The following COL14A1 variants were observed in gnomAD, a reference collection of about 807,000 sequenced individuals.
COL14A1 encodes collagen alpha-1(XIV) chain.
In COL14A1, 136 loss-of-function variants were observed where a neutral mutation model predicts 230.3. The observed-to-expected ratio is 0.59, with a 90% CI of 0.51 to 0.68. The LOEUF (loss-of-function observed/expected upper bound fraction) is 0.68. Ranked by LOEUF, COL14A1 falls within the 30% of genes least tolerant of loss-of-function variation. COL14A1 has a pLI of 0.00. For missense variants in COL14A1, 1,976 were observed against 2,215.8 expected (o/e 0.89, Z 2.17); for synonymous variants, 792 against 784.1 (o/e 1.01, Z -0.17).
chr8:120,133,814 T>C (rs1814623577), intron 1 of COL14A1, among the ~76,000 whole-genome samples: 1 of 151,842 alleles, frequency 6.6e-6, no homozygotes, highest in African/African-American at 2.4e-5. Context: ...ATGAAAAACA[T>C]AAAATTTGGA....
intron 23 of COL14A1, among the ~76,000 whole-genome samples, chr8:120,258,114 C>G (rs754072243): frequency 1.3e-5 from 2 of 152,130 alleles, no homozygotes; most frequent in Non-Finnish European, 2.9e-5. Flanking sequence ...TAAACTTAAG[C>G]CGAAGGGTCA....
chr8:120,202,084 C>T (rs1274663657), intron 8 of COL14A1, among the ~76,000 whole-genome samples: 3 of 152,182 alleles, frequency 2.0e-5, no homozygotes, highest in Admixed American at 2.0e-4. Context: ...AGGCAAGAAC[C>T]ATCAGAGAGA....
chr8:120,310,414 T>C (rs10955968), intron 37 of COL14A1, among the ~76,000 whole-genome samples: 100,133 of 151,968 alleles, frequency 0.66, 34,644 homozygotes, highest in African/African-American at 0.89. Context: ...CACAATTTGG[T>C]ATTAGTCCTT....
chr8:120,187,775 AGG>A (rs1816693038), intron 5 of COL14A1, among the ~76,000 whole-genome samples: 1 of 152,256 alleles, frequency 6.6e-6, no homozygotes, highest in African/African-American at 2.4e-5. Flanking sequence ...TGGACACAGC[AGG>A]GGCAAGCCCT....
In COL14A1 at chr8:120,344,722, C is replaced by T. The variant is rs138741403; in HGVS notation, c.4889-653C>T. Among the ~76,000 whole-genome samples the T allele has an allele frequency of 9.2e-5, 14 of 152,278 alleles. No homozygotes were observed. The East Asian group carries it at 2.7e-3, about 29-fold the overall frequency. ...ATTCACTTATGTTGGGAAAACTCCTCTCCTAATGATGTTGGAAAAATGAGA... is the reference window on the plus strand; with the variant it reads ...ATTCACTTATGTTGGGAAAACTCCTTTCCTAATGATGTTGGAAAAATGAGA... On this transcript the variant is annotated intron_variant, in intron 44 of 47. Coordinates refer to ENST00000297848, the MANE Select transcript of COL14A1 (RefSeq NM_021110.4).
intron 22 of COL14A1, among the ~76,000 whole-genome samples, chr8:120,254,271 AG>A (rs1819067460): frequency 6.6e-6 from 1 of 152,214 alleles, no homozygotes; most frequent in South Asian, 2.1e-4. Context: ...ATTGTCTTGT[AG>A]AAACAATATC....
At chr8:120,201,435 T>A (rs534703481) in intron 8 of COL14A1, among the ~76,000 whole-genome samples, 1 of 152,216 alleles carries the variant, frequency 6.6e-6, no homozygotes, top group South Asian at 2.1e-4. Flanking sequence ...TACAGTGGGG[T>A]ATTTATTCTA....
intron 1 of COL14A1, among the ~76,000 whole-genome samples, chr8:120,134,996 A>C (rs912913622): frequency 3.3e-5 from 5 of 152,148 alleles, no homozygotes; most frequent in African/African-American, 1.2e-4. Context: ...AAACAAACAA[A>C]CAAAAAACAG....
intron 26 of COL14A1, among the ~76,000 whole-genome samples, chr8:120,271,809 T>A (rs967084485): frequency 1.3e-5 from 2 of 151,530 alleles, no homozygotes; most frequent in African/African-American, 4.8e-5. Context: ...TTATCATAAA[T>A]GCAACTGGAA....
intron 5 of COL14A1, among the ~76,000 whole-genome samples, chr8:120,183,744 C>T (rs189971062): frequency 6.6e-6 from 1 of 152,308 alleles, no homozygotes; most frequent in East Asian, 1.9e-4. Flanking sequence ...TATAAGGTGT[C>T]ATGATGTTAT....
chr8:120,198,218 C>T (rs1279371723), intron 7 of COL14A1, among the ~76,000 whole-genome samples: 1 of 152,144 alleles, frequency 6.6e-6, no homozygotes, highest in Admixed American at 6.6e-5. Flanking sequence ...GTCAGCTAAT[C>T]TCTTCGCTAC....
intron 45 of COL14A1, among the ~76,000 whole-genome samples, chr8:120,362,671 C>A (rs538086016): frequency 6.6e-6 from 1 of 152,088 alleles, no homozygotes; most frequent in Admixed American, 6.5e-5. Context: ...GGATGTTGTA[C>A]AATGAGCAAG....
At chr8:120,225,313 A>T in intron 15 of COL14A1, 99 bp downstream of exon 15, 1 of 1,028,128 alleles carries the variant, frequency 9.7e-7, no homozygotes, top group Non-Finnish European at 1.4e-6. Context: ...TTTTGAAGAG[A>T]TTAAATTTTA....
chr8:120,182,286 T>C (rs1816487230), intron 5 of COL14A1, among the ~76,000 whole-genome samples: 1 of 152,198 alleles, frequency 6.6e-6, no homozygotes, highest in Non-Finnish European at 1.5e-5. Context: ...GAGTCTCCCG[T>C]AGGAATGCTC....
chr8:120,205,092 T>A (rs796119296), intron 9 of COL14A1, among the ~76,000 whole-genome samples: 22 of 127,958 alleles, frequency 1.7e-4, no homozygotes, highest in African/African-American at 5.8e-4. Flanking sequence ...GGTAAAGGTG[T>A]GGCCACATTT....
intron 4 of COL14A1, among the ~76,000 whole-genome samples, chr8:120,166,805 T>C (rs1815890689): frequency 6.6e-6 from 1 of 151,198 alleles, no homozygotes; most frequent in Non-Finnish European, 1.5e-5. Flanking sequence ...AGAATGCGAA[T>C]GAAACGGAGT....
chr8:120,231,858 T>C, intron 19 of COL14A1: 1 of 423,112 alleles, frequency 2.4e-6, no homozygotes, highest in Admixed American at 4.0e-5. Flanking sequence ...TTGTTTCAAA[T>C]ATTGCTTCTC....
chr8:120,301,156 C>T (rs1820697861), intron 36 of COL14A1, among the ~76,000 whole-genome samples: 1 of 152,080 alleles, frequency 6.6e-6, no homozygotes, highest in Non-Finnish European at 1.5e-5. Flanking sequence ...TTACTTGTAC[C>T]TGTAAGATTT....
chr8:120,211,845 C>T (rs1327512906), intron 12 of COL14A1, among the ~76,000 whole-genome samples: 3 of 152,052 alleles, frequency 2.0e-5, no homozygotes, highest in Non-Finnish European at 4.4e-5. Flanking sequence ...AGTTTGAATC[C>T]AAGGGTCAGA....
Sources: gnomAD v4.1 joint callset for allele counts (sites outside exome capture counted in the v4.1 genomes callset) on GRCh38, gnomAD v4.1.1 for gene constraint, MANE v1.5 for transcripts, NCBI Gene and HGNC (gene_info 2026-07-23, HGNC 2026-07-21) for gene names.